Variants in CLNK observed in about 807,000 individuals in gnomAD.
CLNK encodes cytokine dependent hematopoietic cell linker.
CLNK carries 74 observed loss-of-function variants against 68.6 expected under a neutral mutation model. The ratio of observed to expected loss-of-function variants is 1.08; its 90% CI spans 0.89 to 1.31. The LOEUF is 1.31. Ranked by LOEUF, CLNK falls within the 50% of genes most tolerant of loss-of-function variation. CLNK has a pLI of 0.00. For missense variants in CLNK, 553 were observed against 515.3 expected (o/e 1.07, Z -0.71); for synonymous variants, 198 against 172.2 (o/e 1.15, Z -1.17).
At chr4:10,733,488 A>T in the CLNK span, among the ~76,000 whole-genome samples, 6 of 152,210 alleles carry the variant, frequency 3.9e-5, no homozygotes, top group Admixed American at 2.6e-4. Context: ...TAGTTTTCTG[A>T]TGTATAAAAT....
chr4:10,540,794 A>G (rs376317847), intron 10 of CLNK, among the ~76,000 whole-genome samples, 190 bp from the exon 11 acceptor site: 15 of 152,270 alleles, frequency 9.9e-5, no homozygotes, highest in African/African-American at 2.6e-4. Flanking sequence ...ATAATTTTCT[A>G]TGGGGAGTCA....
At chr4:10,683,679 A>G (rs745930692) in intron 1 of CLNK, among the ~76,000 whole-genome samples, 1 of 152,220 alleles carries the variant, frequency 6.6e-6, no homozygotes, top group Non-Finnish European at 1.5e-5. Flanking sequence ...TCTCTAGGGC[A>G]TACTGTATCT....
intron 11 of CLNK, among the ~76,000 whole-genome samples, chr4:10,537,639 CTTTCTT>C (rs1718823629): frequency 5.7e-4 from 36 of 62,776 alleles, no homozygotes; most frequent in South Asian, 2.2e-3. Flanking sequence ...CTTTCTTTCT[CTTTCTT>C]TCTTTCTTTC....
At chr4:10,733,110 T>C in the CLNK span, among the ~76,000 whole-genome samples, 1 of 152,120 alleles carries the variant, frequency 6.6e-6, no homozygotes, top group Non-Finnish European at 1.5e-5. Flanking sequence ...AATTATGGCA[T>C]TGGCTTTTAT....
the CLNK span, among the ~76,000 whole-genome samples, chr4:10,724,434 C>T: frequency 2.2e-4 from 34 of 151,378 alleles, no homozygotes; most frequent in Admixed American, 5.9e-4. Flanking sequence ...TAGCTTAAGT[C>T]ATTTTCTGGA....
Position 10,512,827 on chromosome 4 carries a change from A to G in CLNK, c.906+637T>C, listed in dbSNP as rs1262605827. 4.0e-5 allele frequency among the ~76,000 whole-genome samples: 6 copies of G among 151,602 alleles called. No homozygotes were observed. In the East Asian group the frequency reaches 9.7e-4, roughly 24 times the overall value. On this transcript the variant is annotated intron_variant, in intron 16 of 18. Coordinates refer to ENST00000226951, the MANE Select transcript of CLNK (RefSeq NM_052964.4). Reference sequence around the variant, plus strand: ...GATGGAGAGAAAGCATACAAGATACAGTGAAACTTTATCCCCCCCACCATA... The same window carrying G: ...GATGGAGAGAAAGCATACAAGATACGGTGAAACTTTATCCCCCCCACCATA...
rs10660433 is a variant in CLNK at position 10,504,116 on chromosome 4, CTTTTTTTTTTT to C, written c.985-2716_985-2706del. Among the ~76,000 whole-genome samples the C allele has an allele frequency of 8.9e-5, 6 of 67,328 alleles. No homozygotes were observed. In the Admixed American group the frequency reaches 1.0e-3, roughly 12 times the overall value. The allele number at this position is 67,328 out of a possible 152,430, so 44.2% of individuals were successfully genotyped here. A position where few individuals can be genotyped will look rare whatever the true frequency, so the allele number is the denominator to read the frequency against. ...GTCTTTACATAAACATCTTTGGGTT[CTTTTTTTTTTT>C]TTTTTTTTTTTGAGATGGAGTCATG... On this transcript the variant is annotated intron_variant, in intron 17 of 18. Coordinates refer to ENST00000226951, the MANE Select transcript of CLNK (RefSeq NM_052964.4).
At chr4:10,664,786 A>G (rs552577964) in intron 2 of CLNK, among the ~76,000 whole-genome samples, 32 of 152,384 alleles carry the variant, frequency 2.1e-4, no homozygotes, top group Admixed American at 1.4e-3. Flanking sequence ...CCTGGACAGG[A>G]AACCCGAAGG....
intron 2 of CLNK, among the ~76,000 whole-genome samples, chr4:10,631,943 CT>C (rs368292253): frequency 2.0e-5 from 3 of 152,122 alleles, no homozygotes; most frequent in African/African-American, 7.2e-5. Context: ...ACACCTACCC[CT>C]GTTTCTGAAA....
At chr4:10,529,053 A>G (rs894544754) in intron 12 of CLNK, among the ~76,000 whole-genome samples, 1 of 152,160 alleles carries the variant, frequency 6.6e-6, no homozygotes, top group African/African-American at 2.4e-5. Flanking sequence ...TGTTTGCTGT[A>G]GTATTTATTT....
At chr4:10,547,568 A>G (rs1414912305) in intron 8 of CLNK, among the ~76,000 whole-genome samples, 2 of 152,182 alleles carry the variant, frequency 1.3e-5, no homozygotes, top group Non-Finnish European at 2.9e-5. Context: ...TGTAGGCACT[A>G]TGTGGTAGAG....
intron 17 of CLNK, among the ~76,000 whole-genome samples, chr4:10,505,867 G>T (rs1422075941): frequency 2.0e-5 from 3 of 152,142 alleles, no homozygotes; most frequent in Admixed American, 2.0e-4. Context: ...ACATCTTTGG[G>T]GGGGCATGAT....
intron 8 of CLNK, among the ~76,000 whole-genome samples, chr4:10,558,074 T>C (rs1413439335): frequency 6.6e-6 from 1 of 152,256 alleles, no homozygotes; most frequent in African/African-American, 2.4e-5. Flanking sequence ...ATTAGATTTC[T>C]ATCTTGTGGC....
At chr4:10,573,166 TCCCC>T (rs1720415507) in intron 4 of CLNK, among the ~76,000 whole-genome samples, 1 of 152,190 alleles carries the variant, frequency 6.6e-6, no homozygotes, top group Admixed American at 6.5e-5. Context: ...CACTCTGAAT[TCCCC>T]TATCTTACCA....
At chr4:10,655,148 T>C (rs1489915006) in intron 2 of CLNK, among the ~76,000 whole-genome samples, 1 of 150,914 alleles carries the variant, frequency 6.6e-6, no homozygotes, top group African/African-American at 2.4e-5. Context: ...TGTTAAGGTC[T>C]GGTCTTTTGG....
At chr4:10,566,396 A>T (rs1256613057) in intron 5 of CLNK, among the ~76,000 whole-genome samples, 1 of 152,258 alleles carries the variant, frequency 6.6e-6, no homozygotes, top group Admixed American at 6.5e-5. Context: ...GTGAAGGGAC[A>T]GTGCAGATGT....
intron 8 of CLNK, among the ~76,000 whole-genome samples, chr4:10,550,250 T>C (rs373854720): frequency 1.1e-4 from 17 of 152,230 alleles, no homozygotes; most frequent in African/African-American, 3.6e-4. Context: ...TCCCAGCACT[T>C]TGGGAGGCCG....
intron 5 of CLNK, among the ~76,000 whole-genome samples, chr4:10,566,582 C>A (rs1469526133): frequency 6.6e-6 from 1 of 152,286 alleles, no homozygotes; most frequent in East Asian, 1.9e-4. Context: ...AATAATTCCT[C>A]AAGGTGGCAG....
chr4:10,610,277 C>G (rs2108853456), intron 2 of CLNK, among the ~76,000 whole-genome samples: 1 of 150,216 alleles, frequency 6.7e-6, no homozygotes, highest in East Asian at 1.9e-4. Context: ...ATCTCCTGAC[C>G]TCGTGATCCG....
Sources: allele counts gnomAD v4.1 joint callset (sites outside exome capture counted in the v4.1 genomes callset), GRCh38; gene constraint gnomAD v4.1.1; transcripts MANE v1.5; gene names NCBI Gene and HGNC (gene_info 2026-07-23, HGNC 2026-07-21).